The following PCOLCE variants were observed in gnomAD, a reference collection of about 807,000 sequenced individuals.
PCOLCE encodes procollagen C-endopeptidase enhancer 1.
Under a neutral mutation model 47.2 loss-of-function variants are expected in PCOLCE, and 33 were observed. That is an observed-to-expected ratio of 0.70 (90% CI 0.53 to 0.93). The LOEUF (loss-of-function observed/expected upper bound fraction) is 0.93, where lower values mean the gene tolerates loss of function less well. Among genes scored for constraint, PCOLCE ranks in the 40% least tolerant of loss-of-function variants. PCOLCE has a pLI of 0.00. For missense variants in PCOLCE, 584 were observed against 585.3 expected, an observed-to-expected ratio of 1.00 and a Z score of 0.02; for synonymous variants, 254 against 252.5, an observed-to-expected ratio of 1.01 and a Z score of -0.06.
At chr7:100,603,736 TCCAGTCCCCG>T (rs1293589600) in intron 2 of PCOLCE, 198 bp downstream of exon 2, 6 of 610,956 alleles carry the variant, frequency 9.8e-6, no homozygotes, top group African/African-American at 1.9e-5. Context: ...ATCTTCATTC[TCCAGTCCCCG>T]GCCCTCCCTC....
At position 100,606,517 on chromosome 7, in the gene PCOLCE, G is replaced by T. The variant is rs751329942; in HGVS notation, c.827G>T (p.Gly276Val). 2.5e-6 allele frequency: 4 copies of T among 1,614,204 alleles called. No individual in the cohort carries two copies. The highest frequency in any genetic ancestry group is 3.3e-4 in the Middle Eastern group (2 of 6,062). ...FSASYKTLPRGTAKEGQGPGP... is the reference protein window; with the variant it reads ...FSASYKTLPRVTAKEGQGPGP... ...GCCTCCTACAAGACCCTGCCGCGGG[G>T]CACTGCCAAAGAAGGGCAAGGGCCC... The change falls in exon 6 of 9, where the codon GGC (glycine) becomes GTC (valine). Residue 276 changes from glycine (G) to valine (V), a missense_variant. Transcript: ENST00000223061.
At position 100,605,104 on chromosome 7, in the gene PCOLCE, CG is replaced by C. The variant is rs761254301; in HGVS notation, c.483del (p.Arg162GlyfsTer9). The C allele has an allele frequency of 6.2e-7, 1 of 1,611,124 alleles. No homozygotes were observed. The highest frequency in any genetic ancestry group is 8.5e-7 in the Non-Finnish European group (1 of 1,178,662). On this transcript the variant is annotated frameshift_variant, in exon 4 of 9. Transcript: ENST00000223061. LOFTEE classifies it high-confidence loss of function. The surrounding 1 kb of genome is among the most constrained non-coding windows in gnomAD (Gnocchi z 6.1). ...ATSGTEHQFC[G>X]GRLEKAQGTL... ...TCCCCTCCCCAGAGCACCAATTTTG[CG>C]GGGGGCGGCTGGAGAAGGCCCAGGG... is the stretch of plus-strand genomic sequence containing the variant.
At position 100,605,861 on chromosome 7, in the gene PCOLCE, C is replaced by A; in HGVS notation, c.725+49C>A. On this transcript the variant is annotated intron_variant, in intron 5 of 8. Transcript: ENST00000223061. This position sits in a 1 kb window ranked among gnomAD's most constrained non-coding sequence, Gnocchi z 6.1. ...TCCGGGAGAGAGTCGGCGGACCGCA[C>A]GCACGCGGCTGTTTGGAGGGGCGGG... 1 of 1,532,910 alleles carries A rather than the reference C, an allele frequency of 6.5e-7. No individual in the cohort carries two copies. Among genetic ancestry groups the A allele is most frequent in the South Asian group, 1.2e-5 (1 of 82,934 alleles). The allele number at this position is 1,532,910 out of a possible 1,614,324, so 95.0% of individuals were successfully genotyped here.
chr7:100,603,911 T>A (rs771100856), intron 2 of PCOLCE, 48 bp from the exon 3 acceptor site: 1 of 1,583,828 alleles, frequency 6.3e-7, no homozygotes, highest in Non-Finnish European at 8.5e-7. Context: ...CTGGCTGGGT[T>A]GTGTGGGGCC....
chr7:100,603,656 A>T, intron 2 of PCOLCE, 118 bp downstream of exon 2: 1 of 500,542 alleles, frequency 2.0e-6, no homozygotes, highest in Non-Finnish European at 3.5e-6. Flanking sequence ...GGGCAGCTCC[A>T]AGTGTCTTCC....
rs758451259 is a variant in PCOLCE at position 100,607,439 on chromosome 7, T to A, written c.941-13T>A. The A allele has an allele frequency of 6.2e-7, 1 of 1,610,250 alleles. No homozygotes were observed. The highest frequency in any genetic ancestry group is 8.5e-7 in the Non-Finnish European group (1 of 1,177,128). ...CTGCTGAGCAGGTCACCCTCCACCC[T>A]CCTCCCTCCTAGATGCACCCACCTG... On this transcript the variant is annotated splice_polypyrimidine_tract_variant and intron_variant, in intron 6 of 8. Coordinates refer to ENST00000223061, the MANE Select transcript of PCOLCE (RefSeq NM_002593.4).
chr7:100,605,986 G>T lies in PCOLCE; in HGVS notation c.725+174G>T, dbSNP rs1584441817. ...GAGGAGATTTGGCCCCGGGTCTGGG[G>T]TCCGCGGATAGAGAGGCGACTGGGG... On this transcript the variant is annotated intron_variant, in intron 5 of 8. Transcript: ENST00000223061. This position sits in a 1 kb window ranked among gnomAD's most constrained non-coding sequence, Gnocchi z 6.1. Among the ~76,000 whole-genome samples, 1 of 152,194 alleles carries T rather than the reference G, an allele frequency of 6.6e-6. No individual in the cohort carries two copies. The highest frequency in any genetic ancestry group is 1.5e-5 in the Non-Finnish European group (1 of 68,046).
At chr7:100,607,089 T>TAAAAAAAAAAAAA (rs1802729033) in intron 6 of PCOLCE, among the ~76,000 whole-genome samples, 1 of 84,448 alleles carries the variant, frequency 1.2e-5, no homozygotes, top group African/African-American at 4.7e-5. Context: ...AGATTCTGTC[T>TAAAAAAAAAAAAA]CAAAAAAAAA....
At chr7:100,607,051 A>G (rs1802728398) in intron 6 of PCOLCE, among the ~76,000 whole-genome samples, 1 of 149,980 alleles carries the variant, frequency 6.7e-6, no homozygotes, top group South Asian at 2.1e-4. Flanking sequence ...AGATTGTGCC[A>G]CTGCACTCCA....
Position 100,605,752 on chromosome 7 carries a change from A to G in PCOLCE, c.665A>G (p.Asn222Ser). Residue 222 changes from asparagine to serine, a missense_variant, in exon 5 of 9, where the codon AAC (asparagine) becomes AGC (serine). Physicochemically the swap from Asn to Ser is conservative, Grantham distance 46 (BLOSUM62 1). Coordinates refer to ENST00000223061, the MANE Select transcript of PCOLCE (RefSeq NM_002593.4). This position sits in a 1 kb window ranked among gnomAD's most constrained non-coding sequence, Gnocchi z 6.1. ...CGCTATGACTCGGTCAGCGTGTTCA[A>G]CGGAGCCGTGAGCGACGACTCCCGG... is the stretch of plus-strand genomic sequence containing the variant. ...YCRYDSVSVF[N>S]GAVSDDSRRL... 4 of 1,563,670 alleles carry G rather than the reference A, an allele frequency of 2.6e-6. No individual in the cohort carries two copies. Among genetic ancestry groups the G allele is most frequent in the Non-Finnish European group, 3.5e-6 (4 of 1,154,024 alleles).
chr7:100,603,384 G>T, intron 1 of PCOLCE, 46 bp from the exon 2 acceptor site: 2 of 568,266 alleles, frequency 3.5e-6, no homozygotes, highest in Non-Finnish European at 6.3e-6. Flanking sequence ...GTGCTCCCCC[G>T]TCCCACCCGT....
rs992904505 is a variant in PCOLCE at position 100,602,486 on chromosome 7, G to A, written c.30G>A (p.Leu10=). 1.2e-6 allele frequency: 2 copies of A among 1,612,472 alleles called. No homozygotes were observed. The highest frequency in any genetic ancestry group is 3.3e-5 in the Admixed American group (2 of 59,996). ...TGCCTGCAGCCACAGCCTCCCTCCTGGGGCCCCTCCTCACTGCCTGCGCCC... is the reference window on the plus strand; with the variant it reads ...TGCCTGCAGCCACAGCCTCCCTCCTAGGGCCCCTCCTCACTGCCTGCGCCC... The part of the protein sequence containing the change: MLPAATASL[L]GPLLTACALL... Residue 10 remains leucine (L), a synonymous_variant, in exon 1 of 9, where the codon CTG becomes CTA. Coordinates refer to ENST00000223061, the MANE Select transcript of PCOLCE (RefSeq NM_002593.4).
At chr7:100,606,059 T>G (rs1802711350) in intron 5 of PCOLCE, 3 of 570,276 alleles carry the variant, frequency 5.3e-6, no homozygotes, top group Non-Finnish European at 9.4e-6. Context: ...CCAGGGGTAG[T>G]GGCTCATGCC....
chr7:100,603,378 T>TC (rs1433775392), intron 1 of PCOLCE, 52 bp from the exon 2 acceptor site: 12 of 883,732 alleles, frequency 1.4e-5, no homozygotes, highest in African/African-American at 5.2e-5. Flanking sequence ...TTGCCAGTGC[T>TC]CCCCCGTCCC....
chr7:100,605,861 C>T lies in PCOLCE; in HGVS notation c.725+49C>T, dbSNP rs1207329338. On this transcript the variant is annotated intron_variant, in intron 5 of 8. Transcript: ENST00000223061. This position sits in a 1 kb window ranked among gnomAD's most constrained non-coding sequence, Gnocchi z 6.1. ...TCCGGGAGAGAGTCGGCGGACCGCA[C>T]GCACGCGGCTGTTTGGAGGGGCGGG... 3 of 1,532,910 alleles carry T rather than the reference C, an allele frequency of 2.0e-6. No homozygotes were observed. Among genetic ancestry groups the T allele is most frequent in the Non-Finnish European group, 2.6e-6 (3 of 1,134,346 alleles). The allele number at this position is 1,532,910 out of a possible 1,614,324, so 95.0% of individuals were successfully genotyped here. A position where few individuals can be genotyped will look rare whatever the true frequency, so the allele number is the denominator to read the frequency against.
intron 2 of PCOLCE, 32 bp downstream of exon 2, chr7:100,603,570 T>G (rs758272668): frequency 4.5e-5 from 55 of 1,215,426 alleles, no homozygotes; most frequent in Non-Finnish European, 6.1e-5. Context: ...TACCCCTTGT[T>G]AAAGTCTCAG....
rs1802675402 is a variant in PCOLCE, at chr7:100,604,434, C to T, written c.463+217C>T. On this transcript the variant is annotated intron_variant, in intron 3 of 8. Coordinates refer to ENST00000223061, the MANE Select transcript of PCOLCE (RefSeq NM_002593.4). The surrounding 1 kb of genome is among the most constrained non-coding windows in gnomAD (Gnocchi z 6.4). ...CCACCCATCCCTCTTCCAGGGCCCC[C>T]CCCAGGCGCGAGGCGGAAATGGGTC... 1.6e-6 allele frequency: 1 copy of T among 632,106 alleles called. No homozygotes were observed. Among genetic ancestry groups the T allele is most frequent in the East Asian group, 2.8e-5 (1 of 36,188 alleles). 39.2% of individuals were successfully genotyped at this position (632,106 alleles called of 1,614,324 possible).
At chr7:100,607,369 A>G (rs762794210) in intron 6 of PCOLCE, 83 bp from the exon 7 acceptor site, 93 of 1,103,196 alleles carry the variant, frequency 8.4e-5, no homozygotes, top group Non-Finnish European at 1.1e-4. Context: ...AGCTCTGAAC[A>G]GTTCAAGTCA....
chr7:100,608,045 A>C lies in PCOLCE; in HGVS notation c.1292A>C (p.Asn431Thr). The change falls in exon 9 of 9, where the codon AAC (asparagine) becomes ACC (threonine). Residue 431 changes from asparagine to threonine, a missense_variant. Asn to Thr is a moderately conservative substitution (Grantham distance 65). Transcript: ENST00000223061. ...CCCAACCAGGACCAGATCCTCACCA[A>C]CCTAAGCAAGAGGAAGTGCCCCTCT... ...HRPNQDQILT[N>T]LSKRKCPSQP... The C allele has an allele frequency of 6.2e-7, 1 of 1,613,934 alleles. No individual in the cohort carries two copies. The highest frequency in any genetic ancestry group is 1.3e-5 in the African/African-American group (1 of 74,992).
Sources: allele counts gnomAD v4.1 joint callset (sites outside exome capture counted in the v4.1 genomes callset), GRCh38; gene constraint gnomAD v4.1.1; non-coding constraint Gnocchi (gnomAD v3.1); transcripts MANE v1.5; gene names NCBI Gene and HGNC (gene_info 2026-07-23, HGNC 2026-07-21).